The following RNF224 variants were observed in gnomAD, a reference collection of about 807,000 sequenced individuals.
RNF224 encodes ring finger protein 224.
RNF224 carries 1 observed loss-of-function variant against 2.9 expected under a neutral mutation model. The observed-to-expected ratio is 0.35, with a 90% confidence interval of 0.12 to 1.66. The LOEUF (loss-of-function observed/expected upper bound fraction) is 1.66, where lower values mean the gene tolerates loss of function less well. Ranked by LOEUF, RNF224 falls within the 40% of genes most tolerant of loss-of-function variation. RNF224 has a pLI of 0.35. For missense variants in RNF224, 254 were observed against 221.8 expected, an observed-to-expected ratio of 1.15 and a Z score of -0.92; for synonymous variants, 116 against 97.6, an observed-to-expected ratio of 1.19 and a Z score of -1.11.
In RNF224 at chr9:137,229,297, C is replaced by A; in HGVS notation, c.*211C>A. ...GGGAGGCTCCGCAGGAGGCTGGTGA[C>A]CTCCCACCTGTCCTGGCCACAATTA... On this transcript the variant is annotated 3_prime_UTR_variant, in exon 3 of 3. Coordinates refer to ENST00000445101, the MANE Select transcript of RNF224 (RefSeq NM_001190228.2). The A allele has an allele frequency of 1.7e-6, 1 of 588,542 alleles. No individual in the cohort carries two copies. The highest frequency in any genetic ancestry group is 3.0e-6 in the Non-Finnish European group (1 of 329,130). 36.5% of individuals were successfully genotyped at this position (588,542 alleles called of 1,614,324 possible).
Position 137,229,483 on chromosome 9 carries a change from G to A in RNF224, c.*397G>A, listed in dbSNP as rs750049025. ...GGCTGCAGGCTGGAGGGGCAGGGCC[G>A]GTCTGGCTATGCCTGGCGGGCTGCC... On this transcript the variant is annotated 3_prime_UTR_variant, in exon 3 of 3. Coordinates refer to ENST00000445101, the MANE Select transcript of RNF224 (RefSeq NM_001190228.2). The A allele has an allele frequency of 2.5e-5, 6 of 242,060 alleles. No individual in the cohort carries two copies. The highest frequency in any genetic ancestry group is 1.0e-4 in the Admixed American group (2 of 19,846). 15.0% of individuals were successfully genotyped at this position (242,060 alleles called of 1,614,324 possible).
At position 137,228,633 on chromosome 9, in the gene RNF224, CGGAGGGCCCCCAGGCCTCGGA is replaced by C. The variant is rs1564411495; in HGVS notation, c.25_45del (p.Pro9_Gly15del). ...CTTCCCTCTGGCAGGATGCTGCAGC[CGGAGGGCCCCCAGGCCTCGGA>C]GGAGGGGGGCCCCCGGAGGAGAGGA... On this transcript the variant is annotated inframe_deletion, in exon 3 of 3. Transcript: ENST00000445101. The C allele has an allele frequency of 6.9e-7, 1 of 1,441,168 alleles. No homozygotes were observed. 89.3% of individuals were successfully genotyped at this position (1,441,168 alleles called of 1,614,324 possible). A position where few individuals can be genotyped will look rare whatever the true frequency, so the allele number is the denominator to read the frequency against.
In RNF224 at chr9:137,229,449, G is replaced by A. The variant is rs1240476662; in HGVS notation, c.*363G>A. 3 of 276,718 alleles carry A rather than the reference G, an allele frequency of 1.1e-5. No homozygotes were observed. Among genetic ancestry groups the A allele is most frequent in the East Asian group, 8.5e-5 (1 of 11,774 alleles). The allele number at this position is 276,718 out of a possible 1,614,324, so 17.1% of individuals were successfully genotyped here. A position where few individuals can be genotyped will look rare whatever the true frequency, so the allele number is the denominator to read the frequency against. On this transcript the variant is annotated 3_prime_UTR_variant, in exon 3 of 3. Coordinates refer to ENST00000445101, the MANE Select transcript of RNF224 (RefSeq NM_001190228.2). The stretch of plus-strand genomic sequence containing the variant: ...TCCCAAGAGGATGCGAAGGCGTCCC[G>A]GGGGCCTGGGCTGCAGGCTGGAGGG...
chr9:137,228,477 C>T (rs1384634628), intron 2 of RNF224, 136 bp downstream of exon 2: 3 of 1,097,096 alleles, frequency 2.7e-6, no homozygotes, highest in Non-Finnish European at 3.8e-6. Context: ...CTGCCTGTGC[C>T]CGGTGCCACG....
intron 1 of RNF224, 95 bp from the exon 2 acceptor site, chr9:137,228,057 A>G (rs1190522404): frequency 2.2e-6 from 1 of 455,482 alleles, no homozygotes; most frequent in Non-Finnish European, 3.8e-6. Context: ...GCCAGCCTGG[A>G]TAAGGTGTTA....
In RNF224 at chr9:137,228,673, G is replaced by T; in HGVS notation, c.58G>T (p.Glu20Ter). 2 of 1,483,406 alleles carry T rather than the reference G, an allele frequency of 1.3e-6. No individual in the cohort carries two copies. Among genetic ancestry groups the T allele is most frequent in the Non-Finnish European group, 1.8e-6 (2 of 1,116,202 alleles). The allele number at this position is 1,483,406 out of a possible 1,614,324, so 91.9% of individuals were successfully genotyped here. A position where few individuals can be genotyped will look rare whatever the true frequency, so the allele number is the denominator to read the frequency against. The change falls in exon 3 of 3, where the codon GAG becomes TAG. Residue 20 changes from glutamate (E) to a stop codon, truncating the protein, a stop_gained. Coordinates refer to ENST00000445101, the MANE Select transcript of RNF224 (RefSeq NM_001190228.2). LOFTEE classifies it low-confidence loss of function (END_TRUNC). ...PGLGGGGPPE[E>*]RTDCIICCSA... is the part of the protein sequence containing the mutation. Reference sequence around the variant, plus strand: ...CCTCGGAGGAGGGGGGCCCCCGGAGGAGAGGACAGACTGCATCATCTGCTG... The same window carrying T: ...CCTCGGAGGAGGGGGGCCCCCGGAGTAGAGGACAGACTGCATCATCTGCTG...
At position 137,229,389 on chromosome 9, in the gene RNF224, C is replaced by G; in HGVS notation, c.*303C>G. On this transcript the variant is annotated 3_prime_UTR_variant, in exon 3 of 3. Transcript: ENST00000445101. Reference sequence around the variant, plus strand: ...CACTGCTGTCTGAGTGGGCGGCAAGCCTGGCTTGGGCCTAGACGCAGCGCA... The same window carrying G: ...CACTGCTGTCTGAGTGGGCGGCAAGGCTGGCTTGGGCCTAGACGCAGCGCA... 2.2e-6 allele frequency: 1 copy of G among 461,084 alleles called. No homozygotes were observed. Among genetic ancestry groups the G allele is most frequent in the Non-Finnish European group, 4.0e-6 (1 of 252,076 alleles). 28.6% of individuals were successfully genotyped at this position (461,084 alleles called of 1,614,324 possible).
At position 137,228,247 on chromosome 9, in the gene RNF224, C is replaced by T; in HGVS notation, c.-89C>T. 7.4e-7 allele frequency: 1 copy of T among 1,356,686 alleles called. No homozygotes were observed. The highest frequency in any genetic ancestry group is 1.0e-6 in the Non-Finnish European group (1 of 989,436). 84.0% of individuals were successfully genotyped at this position (1,356,686 alleles called of 1,614,324 possible). On this transcript the variant is annotated 5_prime_UTR_variant, in exon 2 of 3. The change creates a premature stop within an existing upstream ORF in the 5' untranslated region. Transcript: ENST00000445101. ...TGACTCCCGTGCAAGGCCAGTAATG[C>T]AACCCAGGAGGGAGCCGCAGGGCGC... is the stretch of plus-strand genomic sequence containing the variant.
chr9:137,228,731 G>A lies in RNF224; in HGVS notation c.116G>A (p.Arg39His), dbSNP rs1030069211. ...SAYDLSGHLPRRLYCGHTFCQ... is the reference protein window; with the variant it reads ...SAYDLSGHLPHRLYCGHTFCQ... The stretch of plus-strand genomic sequence containing the variant: ...TATGACCTCTCCGGGCACCTGCCCC[G>A]CCGCCTCTACTGTGGACACACCTTC... The change falls in exon 3 of 3, where the codon CGC (arginine) becomes CAC (histidine). Residue 39 changes from arginine (R) to histidine (H), a missense_variant. By Grantham distance (29) the Arg-to-His change is conservative. Transcript: ENST00000445101. 39 of 1,529,852 alleles carry A rather than the reference G, an allele frequency of 2.5e-5. No individual in the cohort carries two copies. The African/African-American group carries it at 3.1e-4, about 12-fold the overall frequency. 94.8% of individuals were successfully genotyped at this position (1,529,852 alleles called of 1,614,324 possible).
chr9:137,227,970 A>G (rs1588834006), intron 1 of RNF224, 109 bp downstream of exon 1: 2 of 196,818 alleles, frequency 1.0e-5, no homozygotes, highest in South Asian at 1.0e-4. Context: ...GGGAGGGGAG[A>G]GGTGAGGGAG....
At chr9:137,228,072 A>G in intron 1 of RNF224, 80 bp from the exon 2 acceptor site, 1 of 469,122 alleles carries the variant, frequency 2.1e-6, no homozygotes, top group Non-Finnish European at 3.6e-6. Flanking sequence ...GTGTTAGCAG[A>G]AGCTGGCTGG....
rs1836069636 is a variant in RNF224 at position 137,229,345 on chromosome 9, CG to C, written c.*261del. The stretch of plus-strand genomic sequence containing the variant: ...TTACCAGACCCCAGACTAGCCCGAC[CG>C]GATGTGCCTGGTGAGGACACTGCTG... On this transcript the variant is annotated 3_prime_UTR_variant, in exon 3 of 3. Coordinates refer to ENST00000445101, the MANE Select transcript of RNF224 (RefSeq NM_001190228.2). 3.7e-6 allele frequency: 2 copies of C among 544,782 alleles called. No individual in the cohort carries two copies. Among genetic ancestry groups the C allele is most frequent in the South Asian group, 2.3e-5 (1 of 44,136 alleles). The allele number at this position is 544,782 out of a possible 1,614,324, so 33.7% of individuals were successfully genotyped here.
Position 137,228,269 on chromosome 9 carries a change from G to A in RNF224, c.-67G>A. On this transcript the variant is annotated 5_prime_UTR_variant, in exon 2 of 3. Transcript: ENST00000445101. ...ATGCAACCCAGGAGGGAGCCGCAGG[G>A]CGCCCTGGGTCCCCCACTCCCTTCT... 1 of 1,506,482 alleles carries A rather than the reference G, an allele frequency of 6.6e-7. No individual in the cohort carries two copies. Among genetic ancestry groups the A allele is most frequent in the Non-Finnish European group, 8.9e-7 (1 of 1,123,158 alleles). 93.3% of individuals were successfully genotyped at this position (1,506,482 alleles called of 1,614,324 possible).
Position 137,228,146 on chromosome 9 carries a change from C to G in RNF224, c.-184-6C>G, listed in dbSNP as rs1477017645. ...CTTATCTCTTGCAAGTGGGTGGTGC[C>G]GTTAGATCTAGTTTCAAGGCTTTGT... On this transcript the variant is annotated splice_region_variant and splice_polypyrimidine_tract_variant and intron_variant, in intron 1 of 2. Transcript: ENST00000445101. The G allele has an allele frequency of 1.7e-6, 1 of 578,832 alleles. No individual in the cohort carries two copies. The highest frequency in any genetic ancestry group is 3.0e-5 in the Admixed American group (1 of 32,876). 35.9% of individuals were successfully genotyped at this position (578,832 alleles called of 1,614,324 possible). A position where few individuals can be genotyped will look rare whatever the true frequency, so the allele number is the denominator to read the frequency against.
Position 137,228,834 on chromosome 9 carries a change from C to G in RNF224, c.219C>G (p.Ser73Arg), listed in dbSNP as rs1039965727. The change falls in exon 3 of 3, where the codon AGC becomes AGG. Residue 73 changes from serine to arginine, a missense_variant. Coordinates refer to ENST00000445101, the MANE Select transcript of RNF224 (RefSeq NM_001190228.2). ...TCCCCTGTCCGCAGTGCCGTCAGAGCACGCCCACGCCTCGCGGAGGGGTGG... is the reference window on the plus strand; with the variant it reads ...TCCCCTGTCCGCAGTGCCGTCAGAGGACGCCCACGCCTCGCGGAGGGGTGG... ...RWIPCPQCRQSTPTPRGGVAM... is the reference protein window; with the variant it reads ...RWIPCPQCRQRTPTPRGGVAM... 20 of 1,535,464 alleles carry G rather than the reference C, an allele frequency of 1.3e-5. No homozygotes were observed. The African/African-American group carries it at 2.3e-4, about 18-fold the overall frequency.
rs750049025 is a variant in RNF224, at chr9:137,229,483, G to T, written c.*397G>T. ...GGCTGCAGGCTGGAGGGGCAGGGCC[G>T]GTCTGGCTATGCCTGGCGGGCTGCC... On this transcript the variant is annotated 3_prime_UTR_variant, in exon 3 of 3. Coordinates refer to ENST00000445101, the MANE Select transcript of RNF224 (RefSeq NM_001190228.2). The T allele has an allele frequency of 3.7e-5, 9 of 242,060 alleles. No homozygotes were observed. Among genetic ancestry groups the T allele is most frequent in the Non-Finnish European group, 7.3e-5 (9 of 122,926 alleles). 15.0% of individuals were successfully genotyped at this position (242,060 alleles called of 1,614,324 possible). A position where few individuals can be genotyped will look rare whatever the true frequency, so the allele number is the denominator to read the frequency against.
intron 1 of RNF224, 63 bp downstream of exon 1, chr9:137,227,924 G>A (rs970855936): frequency 8.1e-5 from 17 of 209,364 alleles, no homozygotes; most frequent in Non-Finnish European, 1.3e-4. Flanking sequence ...GTGAGGGAGC[G>A]GAGGGAAGGG....
intron 1 of RNF224, 53 bp from the exon 2 acceptor site, chr9:137,228,099 G>C: frequency 1.8e-6 from 1 of 546,982 alleles, no homozygotes; most frequent in South Asian, 2.1e-5. Context: ...ACAGGAGGGG[G>C]TGGGCAGGGG....
At position 137,229,451 on chromosome 9, in the gene RNF224, G is replaced by A. The variant is rs1375668544; in HGVS notation, c.*365G>A. On this transcript the variant is annotated 3_prime_UTR_variant, in exon 3 of 3. Coordinates refer to ENST00000445101, the MANE Select transcript of RNF224 (RefSeq NM_001190228.2). ...CCAAGAGGATGCGAAGGCGTCCCGG[G>A]GGCCTGGGCTGCAGGCTGGAGGGGC... 1 of 275,244 alleles carries A rather than the reference G, an allele frequency of 3.6e-6. No homozygotes were observed. The highest frequency in any genetic ancestry group is 7.0e-6 in the Non-Finnish European group (1 of 142,830). 17.1% of individuals were successfully genotyped at this position (275,244 alleles called of 1,614,324 possible). A position where few individuals can be genotyped will look rare whatever the true frequency, so the allele number is the denominator to read the frequency against.
Sources: allele counts gnomAD v4.1 joint callset, GRCh38; gene constraint gnomAD v4.1.1; transcripts MANE v1.5; gene names NCBI Gene and HGNC (gene_info 2026-07-23, HGNC 2026-07-21).